UBASH3A: variants seen among roughly 807,000 people sequenced by gnomAD.
The protein encoded by UBASH3A is ubiquitin-associated and SH3 domain-containing protein A.
A neutral mutation model predicts 73.5 loss-of-function variants in UBASH3A; 63 were observed. The ratio of observed to expected loss-of-function variants is 0.86; its 90% CI spans 0.70 to 1.06. The LOEUF is 1.06. Among genes scored for constraint, UBASH3A ranks in the 50% least tolerant of loss-of-function variants. The pLI, the probability that UBASH3A is intolerant of heterozygous loss-of-function variation, is 0.00. For missense variants in UBASH3A, 860 were observed against 859.0 expected, an observed-to-expected ratio of 1.00 and a Z score of -0.02; for synonymous variants, 363 against 351.1, an observed-to-expected ratio of 1.03 and a Z score of -0.38.
At chr21:42,434,807 C>T (rs774693813) in intron 9 of UBASH3A, 25 bp from the exon 10 acceptor site, 30 of 1,602,282 alleles carry the variant, frequency 1.9e-5, no homozygotes, top group Non-Finnish European at 2.3e-5. Flanking sequence ...TGAAACTGAA[C>T]GTCTGATGCT....
intron 3 of UBASH3A, among the ~76,000 whole-genome samples, chr21:42,412,577 G>A (rs908065196): frequency 7.2e-5 from 11 of 152,320 alleles, no homozygotes; most frequent in Admixed American, 1.3e-4. Flanking sequence ...GGGTGGCCCC[G>A]CAGCTGGAAG....
At chr21:42,436,884 G>A (rs114386510) in intron 10 of UBASH3A, among the ~76,000 whole-genome samples, 256 of 152,330 alleles carry the variant, frequency 1.7e-3, no homozygotes, top group African/African-American at 6.0e-3. Context: ...AGCTCACAGT[G>A]GTGCAGATCC....
Position 42,416,514 on chromosome 21 carries a change from G to T in UBASH3A, c.740G>T (p.Arg247Met). ...CACAAGTTCTACCCCCACCACCAGA[G>T]GACGCTGGAGCAGCTGGCCAGAGCC... ...LAHKFYPHHQ[R>M]TLEQLARAIP... Residue 247 changes from arginine to methionine, a missense_variant, in exon 6 of 15, where the codon AGG becomes ATG. Coordinates refer to ENST00000319294, the MANE Select transcript of UBASH3A (RefSeq NM_018961.4). The T allele has an allele frequency of 1.9e-6, 3 of 1,612,054 alleles. No individual in the cohort carries two copies. Among genetic ancestry groups the T allele is most frequent in the Non-Finnish European group, 2.5e-6 (3 of 1,179,194 alleles).
rs2146582186 is a variant in UBASH3A at position 42,434,921 on chromosome 21, T to A, written c.1360T>A (p.Ser454Thr). The change falls in exon 10 of 15, where the codon TCA becomes ACA. Residue 454 changes from serine (S) to threonine (T), a missense_variant. Coordinates refer to ENST00000319294, the MANE Select transcript of UBASH3A (RefSeq NM_018961.4). ...IKDFENDPPL[S>T]SCGIFQSRIA... ...AGACTTTGAAAACGATCCCCCATTA[T>A]CATCGTGTGGCATTTTCCAGTCCAG... is the stretch of plus-strand genomic sequence containing the variant. 1 of 1,614,248 alleles carries A rather than the reference T, an allele frequency of 6.2e-7. No homozygotes were observed. Among genetic ancestry groups the A allele is most frequent in the East Asian group, 2.2e-5 (1 of 44,890 alleles).
intron 10 of UBASH3A, among the ~76,000 whole-genome samples, chr21:42,436,124 C>T (rs1446342233): frequency 1.3e-5 from 2 of 149,438 alleles, no homozygotes; most frequent in Non-Finnish European, 3.0e-5. Flanking sequence ...CATAGTGTTA[C>T]AGAGTTATAG....
chr21:42,421,322 G>A (rs2053334199), intron 7 of UBASH3A, among the ~76,000 whole-genome samples: 1 of 152,228 alleles, frequency 6.6e-6, no homozygotes, highest in South Asian at 2.1e-4. Context: ...ACCCTATGTT[G>A]TGGTTCTGGG....
At chr21:42,410,710 T>A (rs2053073108) in intron 3 of UBASH3A, 1 of 155,808 alleles carries the variant, frequency 6.4e-6, no homozygotes, top group South Asian at 2.0e-4. Context: ...GCCCAAGCCA[T>A]GTGACACAGC....
At chr21:42,432,004 C>T in intron 8 of UBASH3A, 99 bp from the exon 9 acceptor site, 1 of 681,382 alleles carries the variant, frequency 1.5e-6, no homozygotes, top group Non-Finnish European at 2.7e-6. Flanking sequence ...GAAAAGATTC[C>T]CTCGCAGTTG....
Position 42,409,564 on chromosome 21 carries a change from G to T in UBASH3A, c.310G>T (p.Ala104Ser). Residue 104 changes from alanine to serine, a missense_variant, in exon 3 of 15, where the codon GCT becomes TCT. Physicochemically the swap from Ala to Ser is moderately conservative, Grantham distance 99. Transcript: ENST00000319294. ...ESKRQCAKNR[A>S]HEVFPHVTLC... ...CAAGCGCCAGTGTGCAAAGAACAGA[G>T]CTCATGAGGTCTTCCCACACGTGAC... 1.2e-6 allele frequency: 2 copies of T among 1,613,926 alleles called. No homozygotes were observed. The highest frequency in any genetic ancestry group is 2.2e-5 in the South Asian group (2 of 91,024).
intron 7 of UBASH3A, among the ~76,000 whole-genome samples, chr21:42,422,396 T>G (rs560740163): frequency 5.3e-5 from 8 of 152,350 alleles, no homozygotes; most frequent in African/African-American, 1.4e-4. Context: ...GCATTTCCCT[T>G]ACTAACTGAT....
At chr21:42,431,199 A>G (rs1187629124) in intron 8 of UBASH3A, among the ~76,000 whole-genome samples, 1 of 152,230 alleles carries the variant, frequency 6.6e-6, no homozygotes, top group Non-Finnish European at 1.5e-5. Context: ...AGCCCTGCAC[A>G]GCATGGGGAG....
intron 8 of UBASH3A, among the ~76,000 whole-genome samples, chr21:42,431,672 A>T (rs2053534456): frequency 6.6e-6 from 1 of 152,222 alleles, no homozygotes; most frequent in South Asian, 2.1e-4. Context: ...GCAGTCCTGG[A>T]GGGTTTCTCA....
At chr21:42,421,500 C>T (rs2053337801) in intron 7 of UBASH3A, among the ~76,000 whole-genome samples, 1 of 152,196 alleles carries the variant, frequency 6.6e-6, no homozygotes. Context: ...TTCCCCTCAC[C>T]ACCCTGACAA....
chr21:42,445,006 G>A (rs1025669971), intron 14 of UBASH3A, among the ~76,000 whole-genome samples: 3 of 152,338 alleles, frequency 2.0e-5, no homozygotes, highest in Middle Eastern at 3.4e-3. Flanking sequence ...TGGGGACCTG[G>A]GGCAGGGCGG....
intron 7 of UBASH3A, among the ~76,000 whole-genome samples, chr21:42,421,079 A>T (rs919894306): frequency 2.0e-5 from 3 of 152,218 alleles, no homozygotes; most frequent in Non-Finnish European, 4.4e-5. Flanking sequence ...CCATAAAGCC[A>T]TTGCAAAGTG....
chr21:42,436,617 G>A (rs541197463), intron 10 of UBASH3A, among the ~76,000 whole-genome samples: 2 of 152,264 alleles, frequency 1.3e-5, no homozygotes, highest in South Asian at 4.1e-4. Context: ...CACATTCTAA[G>A]GCACCAAGGG....
chr21:42,440,087 G>T (rs73372283), intron 11 of UBASH3A, among the ~76,000 whole-genome samples: 13 of 151,838 alleles, frequency 8.6e-5, no homozygotes, highest in African/African-American at 2.4e-4. Flanking sequence ...GTCACAGACC[G>T]CAGAGGAGGA....
chr21:42,441,679 A>G (rs1162376801), intron 11 of UBASH3A, among the ~76,000 whole-genome samples: 2 of 122,578 alleles, frequency 1.6e-5, no homozygotes, highest in African/African-American at 6.3e-5. Flanking sequence ...ATGAAGGAGG[A>G]CTTGGGGGCC....
intron 2 of UBASH3A, among the ~76,000 whole-genome samples, chr21:42,408,924 A>AAAAT (rs1421749949): frequency 9.8e-4 from 148 of 150,290 alleles, no homozygotes; most frequent in Non-Finnish European, 1.8e-3. Context: ...AAAATAAAAT[A>AAAAT]AAATAAAATA....
Sources: allele counts gnomAD v4.1 joint callset (sites outside exome capture counted in the v4.1 genomes callset), GRCh38; gene constraint gnomAD v4.1.1; transcripts MANE v1.5; gene names NCBI Gene and HGNC (gene_info 2026-07-23, HGNC 2026-07-21).